The following URGCP variants were observed in gnomAD, a reference collection of about 807,000 sequenced individuals.
The protein encoded by URGCP is up-regulator of cell proliferation.
URGCP carries 13 observed loss-of-function variants against 24.6 expected under a neutral mutation model. The observed-to-expected ratio is 0.53, with a 90% CI of 0.34 to 0.84. URGCP has a LOEUF of 0.84. URGCP is among the 40% of genes least tolerant of loss of function. The pLI is 0.01. For missense variants in URGCP, 899 were observed against 1,194.3 expected (o/e 0.75, Z 3.64); for synonymous variants, 444 against 487.2 (o/e 0.91, Z 1.17).
Position 43,876,500 on chromosome 7 carries a change from C to G in URGCP, c.*167G>C. ...GAGCTGGTCTGTGAGGTCACTTCCT[C>G]TTTTAACACTGTTGAGGAGACTCCA... On this transcript the variant is annotated 3_prime_UTR_variant, in exon 6 of 6. Transcript: ENST00000453200. 1 of 720,208 alleles carries G rather than the reference C, an allele frequency of 1.4e-6. No individual in the cohort carries two copies. Among genetic ancestry groups the G allele is most frequent in the East Asian group, 2.6e-5 (1 of 39,088 alleles). The allele number at this position is 720,208 out of a possible 1,614,324, so 44.6% of individuals were successfully genotyped here.
In URGCP at chr7:43,879,247, C is replaced by G; in HGVS notation, c.216G>C (p.Arg72Ser). ...DNDFPTVERS[R>S]LQEMLSLLGL... Reference sequence around the variant, plus strand: ...CCAAAAGTGACAGCATTTCTTGAAGCCTGCTTCTCTCCACTGTGGAAAGAA... The same window carrying G: ...CCAAAAGTGACAGCATTTCTTGAAGGCTGCTTCTCTCCACTGTGGAAAGAA... Residue 72 changes from arginine (R) to serine (S), a missense_variant, in exon 6 of 6, where the codon AGG becomes AGC. By Grantham distance (110) the Arg-to-Ser change is moderately radical (BLOSUM62 -1). Transcript: ENST00000453200. 3 of 1,609,726 alleles carry G rather than the reference C, an allele frequency of 1.9e-6. No individual in the cohort carries two copies. Among genetic ancestry groups the G allele is most frequent in the Non-Finnish European group, 2.5e-6 (3 of 1,178,838 alleles).
chr7:43,917,370 G>A (rs1193356000), intron 1 of URGCP, among the ~76,000 whole-genome samples: 2 of 152,298 alleles, frequency 1.3e-5, no homozygotes, highest in African/African-American at 2.4e-5. Flanking sequence ...CTTGGGATGG[G>A]ATGTGGGTCT....
chr7:43,879,444 C>A (rs1258365576), intron 5 of URGCP, among the ~76,000 whole-genome samples, 184 bp from the exon 6 acceptor site: 2 of 152,116 alleles, frequency 1.3e-5, no homozygotes, highest in Non-Finnish European at 2.9e-5. Flanking sequence ...AGGGCTGGAA[C>A]CCGGACATCA....
intron 5 of URGCP, among the ~76,000 whole-genome samples, chr7:43,881,431 A>AGG (rs925937897): frequency 2.9e-5 from 4 of 138,244 alleles, no homozygotes; most frequent in East Asian, 4.5e-4. Flanking sequence ...TGGGTGGTGG[A>AGG]GGGGGGGCCT....
rs369607473 is a variant in URGCP, at chr7:43,877,912, G to A, written c.1551C>T (p.Ala517=). 1.2e-4 allele frequency: 190 copies of A among 1,613,948 alleles called. 1 individual carries two copies. In the Middle Eastern group the frequency reaches 1.6e-3, roughly 14 times the overall value. Residue 517 remains alanine, a synonymous_variant, in exon 6 of 6, where the codon GCC becomes GCT. Coordinates refer to ENST00000453200, the MANE Select transcript of URGCP (RefSeq NM_001077663.3). ...CCCTGTGCTTCTCAGGGGGGTCCAC[G>A]GCCCACTGGAGCTGGCAGAACTCCT... ...VEKEFCQLQW[A]VDPPEKHRAE...
rs1449100002 is a variant in URGCP at position 43,878,817 on chromosome 7, C to T, written c.646G>A (p.Val216Met). The change falls in exon 6 of 6, where the codon GTG becomes ATG. Residue 216 changes from valine (V) to methionine (M), a missense_variant. Val to Met is a conservative substitution (Grantham distance 21). Transcript: ENST00000453200. This position sits in a 1 kb window ranked among gnomAD's most constrained non-coding sequence, Gnocchi z 5.6. ...TAGTGGTTCTCCGAGTCAGGCAACA[C>T]GAGTGGGAGTGCAAACTGGCAGAGG... Reference protein sequence around the residue: ...MALCQFALPLVLPDSENHYHT... With the variant: ...MALCQFALPLMLPDSENHYHT... 7 of 1,614,058 alleles carry T rather than the reference C, an allele frequency of 4.3e-6. No individual in the cohort carries two copies. The highest frequency in any genetic ancestry group is 4.5e-5 in the East Asian group (2 of 44,884).
intron 1 of URGCP, among the ~76,000 whole-genome samples, chr7:43,915,874 T>TGGCATG (rs765399792): frequency 1.1e-4 from 17 of 152,174 alleles, no homozygotes; most frequent in Non-Finnish European, 1.8e-4. Context: ...CCGGGCATGG[T>TGGCATG]GGCATGCACC....
At position 43,876,898 on chromosome 7, in the gene URGCP, C is replaced by T. The variant is rs752548025; in HGVS notation, c.2565G>A (p.Gln855=). The T allele has an allele frequency of 8.1e-6, 13 of 1,613,884 alleles. No individual in the cohort carries two copies. In the Admixed American group the frequency reaches 1.7e-4, roughly 21 times the overall value. The change falls in exon 6 of 6, where the codon CAG becomes CAA. Residue 855 remains glutamine, a synonymous_variant. Coordinates refer to ENST00000453200, the MANE Select transcript of URGCP (RefSeq NM_001077663.3). ...LSRAAAQMEK[Q]GDGFRALAGL... ...CTGCCAGTGCCCGGAAGCCGTCGCC[C>T]TGTTTCTCCATCTGGGCTGCAGCCC...
intron 1 of URGCP, chr7:43,889,360 A>T (rs1348885635): frequency 6.6e-6 from 1 of 152,180 alleles, no homozygotes; most frequent in East Asian, 1.9e-4. Context: ...CAGTAATTTT[A>T]AAAATTATAA....
chr7:43,900,135 ACT>A (rs959351842), intron 1 of URGCP, among the ~76,000 whole-genome samples: 2 of 151,112 alleles, frequency 1.3e-5, no homozygotes, highest in East Asian at 1.9e-4. Context: ...ACTCAGCAAA[ACT>A]CTGTCTCAAA....
chr7:43,876,592 G>T lies in URGCP; in HGVS notation c.*75C>A, dbSNP rs999632429. 26 of 1,505,008 alleles carry T rather than the reference G, an allele frequency of 1.7e-5. No individual in the cohort carries two copies. The highest frequency in any genetic ancestry group is 2.3e-5 in the Non-Finnish European group (26 of 1,107,542). 93.2% of individuals were successfully genotyped at this position (1,505,008 alleles called of 1,614,324 possible). On this transcript the variant is annotated 3_prime_UTR_variant, in exon 6 of 6. Transcript: ENST00000453200. ...AGCCATTCTCAGGCACCAGAGCACAGCCCCACACGGGTGCCCCATCAGACA... is the reference window on the plus strand; with the variant it reads ...AGCCATTCTCAGGCACCAGAGCACATCCCCACACGGGTGCCCCATCAGACA...
chr7:43,920,003 G>A, intron 1 of URGCP: 1 of 1,332,486 alleles, frequency 7.5e-7, no homozygotes, highest in African/African-American at 1.4e-5. Flanking sequence ...GCTCATGGAT[G>A]AGTACCACAT....
intron 1 of URGCP, among the ~76,000 whole-genome samples, chr7:43,900,555 G>C (rs2095888748): frequency 6.6e-6 from 1 of 151,966 alleles, no homozygotes. Context: ...ACAGTGAGAA[G>C]GATGCTCCTA....
At chr7:43,899,186 T>C (rs1488144037) in intron 1 of URGCP, among the ~76,000 whole-genome samples, 1 of 147,596 alleles carries the variant, frequency 6.8e-6, no homozygotes, top group East Asian at 1.9e-4. Context: ...TATATATTTA[T>C]AATATATGCC....
rs1554289259 is a variant in URGCP, at chr7:43,883,362, A to ATATTTTTT, written c.113-1406_113-1405insAAAAAATA. Reference sequence around the variant, plus strand: ...CATATATATATATATATATATATATATTTTTTTTTTTTTTTTGAGATGGAG... The same window carrying ATATTTTTT: ...CATATATATATATATATATATATATATATTTTTTTTTTTTTTTTTTTTTTGAGATGGAG... On this transcript the variant is annotated intron_variant, in intron 3 of 5. Transcript: ENST00000453200. 5.3e-3 allele frequency among the ~76,000 whole-genome samples: 469 copies of ATATTTTTT among 88,248 alleles called. 1 individual carries two copies. Among genetic ancestry groups the ATATTTTTT allele is most frequent in the Middle Eastern group, 0.022 (3 of 134 alleles). The allele number at this position is 88,248 out of a possible 152,430, so 57.9% of individuals were successfully genotyped here. A position where few individuals can be genotyped will look rare whatever the true frequency, so the allele number is the denominator to read the frequency against.
chr7:43,900,959 A>G (rs1482974158), intron 1 of URGCP, among the ~76,000 whole-genome samples: 2 of 152,194 alleles, frequency 1.3e-5, no homozygotes, highest in Non-Finnish European at 2.9e-5. Flanking sequence ...AGAATCCAAC[A>G]CTTTTGTTTG....
At chr7:43,897,622 G>T (rs1422734642) in intron 1 of URGCP, among the ~76,000 whole-genome samples, 2 of 152,164 alleles carry the variant, frequency 1.3e-5, no homozygotes, top group African/African-American at 2.4e-5. Context: ...TTAAAAAAAG[G>T]TTCTGGCTGT....
rs564708559 is a variant in URGCP, at chr7:43,895,659, G to A, written c.15-7843C>T. ...CACTGCGCTCCAGCCTGGATGACAC[G>A]GTGAGACTCTGTCTCAAAAAACAAA... is the stretch of plus-strand genomic sequence containing the variant. On this transcript the variant is annotated intron_variant, in intron 1 of 5. Coordinates refer to ENST00000453200, the MANE Select transcript of URGCP (RefSeq NM_001077663.3). Among the ~76,000 whole-genome samples, 288 of 152,312 alleles carry A rather than the reference G, an allele frequency of 1.9e-3. 2 individuals carry two copies. Among genetic ancestry groups the A allele is most frequent in the African/African-American group, 6.7e-3 (277 of 41,560 alleles).
intron 1 of URGCP, among the ~76,000 whole-genome samples, chr7:43,894,511 C>T (rs906684990): frequency 2.0e-5 from 3 of 152,042 alleles, no homozygotes; most frequent in Non-Finnish European, 4.4e-5. Context: ...TGCCACCATG[C>T]CCAGCTAATT....
Sources: gnomAD v4.1 joint callset for allele counts (sites outside exome capture counted in the v4.1 genomes callset) on GRCh38, gnomAD v4.1.1 for gene constraint, Gnocchi (gnomAD v3.1) non-coding constraint, MANE v1.5 for transcripts, NCBI Gene and HGNC (gene_info 2026-07-23, HGNC 2026-07-21) for gene names.